The following CCNH variants were observed in gnomAD, a reference collection of about 807,000 sequenced individuals.
CCNH encodes cyclin H.
In CCNH, 31 loss-of-function variants were observed where a neutral mutation model predicts 41.9. The ratio of observed to expected loss-of-function variants is 0.74; its 90% CI spans 0.56 to 1.00. The LOEUF (loss-of-function observed/expected upper bound fraction) is 1.00. Among genes scored for constraint, CCNH ranks in the 50% least tolerant of loss-of-function variants. CCNH has a pLI of 0.00. For missense variants in CCNH, 362 were observed against 388.4 expected (o/e 0.93, Z 0.57); for synonymous variants, 138 against 136.1 (o/e 1.01, Z -0.10).
At chr5:87,391,757 C>G (rs1762542251), downstream of CCNH, 2 of 232,322 alleles carry the variant, frequency 8.6e-6, no homozygotes, top group Non-Finnish European at 1.7e-5. Flanking sequence ...ATGCAGACAA[C>G]CTCATCAGCT....
downstream of CCNH, among the ~76,000 whole-genome samples, chr5:87,316,727 TCA>T (rs2112321082): frequency 6.6e-6 from 1 of 152,182 alleles, no homozygotes; most frequent in South Asian, 2.1e-4. Context: ...TCAAAGCCTC[TCA>T]CAATTATAGA....
At chr5:87,383,126 C>A (rs1761838252) in intron 9 of CCNH, among the ~76,000 whole-genome samples, 1 of 151,870 alleles carries the variant, frequency 6.6e-6, no homozygotes, top group African/African-American at 2.4e-5. Flanking sequence ...AAAAAGAAAA[C>A]CTTTCCAGTG....
intron 4 of CCNH, 43 bp from the exon 5 acceptor site, chr5:87,405,050 A>C: frequency 7.0e-7 from 1 of 1,421,858 alleles, no homozygotes; most frequent in Non-Finnish European, 9.8e-7. Context: ...TGAGGGTTTA[A>C]ATGGAGTATA....
intron 9 of CCNH, chr5:87,331,198 G>C (rs1388512400): frequency 9.8e-7 from 1 of 1,018,804 alleles, no homozygotes; most frequent in Non-Finnish European, 1.5e-6. Context: ...GTTAAATTGA[G>C]TTAAAATTGG....
chr5:87,397,467 T>A (rs1310743378), intron 7 of CCNH, among the ~76,000 whole-genome samples: 1 of 152,200 alleles, frequency 6.6e-6, no homozygotes, highest in East Asian at 1.9e-4. Flanking sequence ...GCCCTAGAAA[T>A]TTTTAATAGC....
upstream of CCNH, among the ~76,000 whole-genome samples, chr5:87,380,970 T>G (rs1016001046): frequency 6.6e-6 from 1 of 152,182 alleles, no homozygotes; most frequent in Non-Finnish European, 1.5e-5. Flanking sequence ...ATTAATTGGT[T>G]TGTTACAATC....
intron 4 of CCNH, among the ~76,000 whole-genome samples, chr5:87,405,800 A>G (rs757022390): frequency 2.0e-5 from 3 of 151,996 alleles, no homozygotes; most frequent in Non-Finnish European, 4.4e-5. Flanking sequence ...CCCTGCCCCA[A>G]TATGCTGCCA....
At chr5:87,389,553 C>T (rs766327338), downstream of CCNH, 8 of 1,611,098 alleles carry the variant, frequency 5.0e-6, no homozygotes, top group Middle Eastern at 1.6e-4. Context: ...CCTTCATTAA[C>T]AATGATGTTT....
chr5:87,379,599 A>G, upstream of CCNH: 2 of 1,236,986 alleles, frequency 1.6e-6, no homozygotes, highest in Non-Finnish European at 2.2e-6. Flanking sequence ...CTCCCATTAT[A>G]CAAAGAAAAA....
intron 3 of CCNH, chr5:87,409,010 T>A (rs1175511478): frequency 4.4e-6 from 1 of 226,866 alleles, no homozygotes; most frequent in African/African-American, 2.3e-5. Context: ...CAAAGGTGTC[T>A]AATAGGAAGA....
chr5:87,364,302 T>C (rs1401392606), intron 9 of CCNH, among the ~76,000 whole-genome samples: 2 of 152,174 alleles, frequency 1.3e-5, no homozygotes. Flanking sequence ...AGCCTTGTCA[T>C]TTCTTTTTTC....
chr5:87,386,959 T>G (rs1762105290), downstream of CCNH: 8 of 1,415,298 alleles, frequency 5.7e-6, no homozygotes, highest in Non-Finnish European at 2.0e-6. Flanking sequence ...TATAGCTGAG[T>G]TAACCCATTT....
At chr5:87,333,250 T>A (rs1419671978) in intron 9 of CCNH, 1 of 1,610,906 alleles carries the variant, frequency 6.2e-7, no homozygotes, top group South Asian at 1.1e-5. Flanking sequence ...AAATCTTTTT[T>A]TTTTTATGGT....
chr5:87,377,168 C>T (rs1292634830), exon 1 of CCNH: 1 of 1,278,450 alleles, frequency 7.8e-7, no homozygotes, highest in Non-Finnish European at 1.1e-6. Context: ...TTCTGTTTTC[C>T]CTCCTTAAAA....
At chr5:87,313,544 C>T (rs1223178244), downstream of CCNH, among the ~76,000 whole-genome samples, 4 of 152,166 alleles carry the variant, frequency 2.6e-5, no homozygotes, top group Admixed American at 2.6e-4. Flanking sequence ...CTCCCACCTG[C>T]CAGTGTCTAC....
chr5:87,343,218 G>A (rs1210320815), intron 9 of CCNH, among the ~76,000 whole-genome samples: 2 of 151,930 alleles, frequency 1.3e-5, no homozygotes, highest in Non-Finnish European at 2.9e-5. Flanking sequence ...ACATGATATG[G>A]GCACCAAGTC....
intron 9 of CCNH, chr5:87,353,315 G>A: frequency 1.8e-6 from 2 of 1,125,710 alleles, no homozygotes; most frequent in Non-Finnish European, 2.7e-6. Flanking sequence ...GCACACATTT[G>A]TACAATTCAA....
chr5:87,393,169 TG>T (rs1264228934), downstream of CCNH, among the ~76,000 whole-genome samples: 1 of 152,028 alleles, frequency 6.6e-6, no homozygotes, highest in Non-Finnish European at 1.5e-5. Flanking sequence ...TTAAAATAGA[TG>T]TAACTATAAT....
At chr5:87,317,111 G>A (rs891124956), downstream of CCNH, among the ~76,000 whole-genome samples, 1 of 152,064 alleles carries the variant, frequency 6.6e-6, no homozygotes, top group Non-Finnish European at 1.5e-5. Flanking sequence ...TTAAGTTCCC[G>A]GCCTCATGTG....
Sources: gnomAD v4.1 joint callset for allele counts (sites outside exome capture counted in the v4.1 genomes callset) on GRCh38, gnomAD v4.1.1 for gene constraint, MANE v1.5 for transcripts, NCBI Gene and HGNC (gene_info 2026-07-23, HGNC 2026-07-21) for gene names.